The following ANKRD13C variants were observed in gnomAD, a reference collection of about 807,000 sequenced individuals.
ANKRD13C encodes the protein ankyrin repeat domain 13C.
A neutral mutation model predicts 65.5 loss-of-function variants in ANKRD13C; 16 were observed. That is an observed-to-expected ratio of 0.24 (90% CI 0.17 to 0.37). The LOEUF is 0.37. Ranked by LOEUF, ANKRD13C falls within the 10% of genes least tolerant of loss-of-function variation. The probability of loss-of-function intolerance (pLI) is 1.00; values close to 1 mark genes in which losing one functional copy is unlikely to be tolerated. For synonymous variants in ANKRD13C, 235 were observed against 238.7 expected (o/e 0.98, Z 0.14); for missense variants, 503 against 655.9 (o/e 0.77, Z 2.55).
intron 9 of ANKRD13C, among the ~76,000 whole-genome samples, chr1:70,291,323 A>G (rs960607038): frequency 6.6e-6 from 1 of 152,172 alleles, no homozygotes; most frequent in Non-Finnish European, 1.5e-5. Flanking sequence ...GCCTGGGCCC[A>G]TCTGGGAAAT....
intron 7 of ANKRD13C, 34 bp from the exon 8 acceptor site, chr1:70,296,295 T>G: frequency 6.3e-7 from 1 of 1,593,042 alleles, no homozygotes; most frequent in Non-Finnish European, 8.5e-7. Flanking sequence ...TATAAAAATC[T>G]AGGTTTTTCA....
intron 9 of ANKRD13C, among the ~76,000 whole-genome samples, chr1:70,277,416 C>T (rs1159041233): frequency 6.7e-6 from 1 of 148,878 alleles, no homozygotes; most frequent in Non-Finnish European, 1.5e-5. Context: ...GAGATCGTGC[C>T]ACTGCACTCC....
At chr1:70,304,265 AC>A (rs144150337) in intron 6 of ANKRD13C, among the ~76,000 whole-genome samples, 2,805 of 151,918 alleles carry the variant, frequency 0.018, 91 homozygotes, top group African/African-American at 0.065. Flanking sequence ...TTGTGTTTTA[AC>A]CTTTTTGGTT....
In ANKRD13C at chr1:70,270,932, T is replaced by G. The variant is rs201085431; in HGVS notation, c.1419A>C (p.Val473=). 1 of 1,611,268 alleles carries G rather than the reference T, an allele frequency of 6.2e-7. No individual in the cohort carries two copies. The stretch of plus-strand genomic sequence containing the variant: ...GCTTGTTAAAGTGCTTGAAGGGAGC[T>G]ACTACTTCTAAAACATTCAATAATC... ...IELLLNVLEV[V]APFKHFNKLR... Residue 473 remains valine (V), a synonymous_variant, in exon 12 of 13, where the codon GTA becomes GTC. Coordinates refer to ENST00000370944, the MANE Select transcript of ANKRD13C (RefSeq NM_030816.5).
Position 70,307,002 on chromosome 1 carries a change from A to C in ANKRD13C, c.710-712T>G, listed in dbSNP as rs1192680135. Reference sequence around the variant, plus strand: ...AAACTACCACGTACAAAGAAATGAAAGAAATGTGAAGCTCAAAATTCTTGA... The same window carrying C: ...AAACTACCACGTACAAAGAAATGAACGAAATGTGAAGCTCAAAATTCTTGA... On this transcript the variant is annotated intron_variant, in intron 5 of 12. Transcript: ENST00000370944. 3.9e-5 allele frequency among the ~76,000 whole-genome samples: 6 copies of C among 152,202 alleles called. No homozygotes were observed. In the East Asian group the frequency reaches 1.2e-3, roughly 29 times the overall value.
rs1203270559 is a variant in ANKRD13C at position 70,271,012 on chromosome 1, T to C, written c.1395-56A>G. 10 of 1,132,126 alleles carry C rather than the reference T, an allele frequency of 8.8e-6. No individual in the cohort carries two copies. In the Admixed American group the frequency reaches 2.0e-4, roughly 22 times the overall value. The allele number at this position is 1,132,126 out of a possible 1,614,324, so 70.1% of individuals were successfully genotyped here. ...CATTGTTCAAATTGCCTTGTGTCCT[T>C]ATGCTTTTCAACTACATGCTTCAAA... On this transcript the variant is annotated intron_variant, in intron 11 of 12. Transcript: ENST00000370944.
chr1:70,292,362 C>A, intron 9 of ANKRD13C, 26 bp downstream of exon 9: 1 of 1,531,166 alleles, frequency 6.5e-7, no homozygotes, highest in Non-Finnish European at 8.8e-7. Context: ...TAGAAAACTA[C>A]AAATTAGAAG....
In ANKRD13C at chr1:70,315,045, C is replaced by A. The variant is rs117793997; in HGVS notation, c.663+436G>T. 3.2e-3 allele frequency among the ~76,000 whole-genome samples: 489 copies of A among 152,228 alleles called. 6 individuals carry two copies. Among genetic ancestry groups the A allele is most frequent in the East Asian group, 0.024 (125 of 5,176 alleles). ...CTTGAGCTCAGGAGTTTGATACCAGCCTGGGTAATATGGTGAAACCCCATC... is the reference window on the plus strand; with the variant it reads ...CTTGAGCTCAGGAGTTTGATACCAGACTGGGTAATATGGTGAAACCCCATC... On this transcript the variant is annotated intron_variant, in intron 4 of 12. Coordinates refer to ENST00000370944, the MANE Select transcript of ANKRD13C (RefSeq NM_030816.5).
chr1:70,315,049 G>A (rs1030444966), intron 4 of ANKRD13C, among the ~76,000 whole-genome samples: 1 of 152,170 alleles, frequency 6.6e-6, no homozygotes, highest in Middle Eastern at 3.4e-3. Context: ...TACCAGCCTG[G>A]GTAATATGGT....
intron 5 of ANKRD13C, among the ~76,000 whole-genome samples, chr1:70,309,065 CAG>C (rs1309565963): frequency 4.8e-5 from 7 of 146,690 alleles, no homozygotes; most frequent in African/African-American, 1.5e-4. Flanking sequence ...TTTTTTTAGA[CAG>C]AGTGTCGCTC....
At chr1:70,271,055 A>C (rs532486806) in intron 11 of ANKRD13C, 99 bp from the exon 12 acceptor site, 1 of 663,970 alleles carries the variant, frequency 1.5e-6, no homozygotes, top group South Asian at 1.9e-5. Flanking sequence ...AGTAGTATTG[A>C]CTTCCAGATA....
intron 9 of ANKRD13C, among the ~76,000 whole-genome samples, chr1:70,278,079 C>T (rs936027290): frequency 1.3e-5 from 2 of 151,336 alleles, no homozygotes; most frequent in Non-Finnish European, 2.9e-5. Flanking sequence ...GTCTCAGCTG[C>T]TTGAAAAGCT....
In ANKRD13C at chr1:70,267,274, T is replaced by C. The variant is rs144846006; in HGVS notation, c.1495+3582A>G. On this transcript the variant is annotated intron_variant, in intron 12 of 12. Coordinates refer to ENST00000370944, the MANE Select transcript of ANKRD13C (RefSeq NM_030816.5). ...CTTTGATTAGTGTTTGCATGATATA[T>C]CTTTTTCCACTCTTTCACTTCTAAT... 2.8e-4 allele frequency among the ~76,000 whole-genome samples: 42 copies of C among 152,320 alleles called. No homozygotes were observed. The East Asian group carries it at 5.6e-3, about 20-fold the overall frequency.
At chr1:70,268,055 TTTTG>T (rs1037179593) in intron 12 of ANKRD13C, among the ~76,000 whole-genome samples, 31 of 152,140 alleles carry the variant, frequency 2.0e-4, no homozygotes, top group Non-Finnish European at 3.7e-4. Flanking sequence ...TGTTGTTGTT[TTTTG>T]TTTGATTTTA....
intron 1 of ANKRD13C, among the ~76,000 whole-genome samples, chr1:70,348,341 CA>C (rs991573672): frequency 1.6e-3 from 236 of 151,910 alleles, no homozygotes; most frequent in African/African-American, 5.2e-3. Context: ...TGCAATAGTG[CA>C]ATCTCAGCTC....
chr1:70,329,379 G>C (rs543793037), intron 2 of ANKRD13C, among the ~76,000 whole-genome samples: 143 of 152,086 alleles, frequency 9.4e-4, no homozygotes, highest in African/African-American at 3.3e-3. Context: ...AAATTAGCTG[G>C]GCATGGTGGC....
Position 70,301,176 on chromosome 1 carries a change from C to CAT in ANKRD13C, c.777-269_777-268insAT, listed in dbSNP as rs1479588829. 2.1e-5 allele frequency among the ~76,000 whole-genome samples: 3 copies of CAT among 144,810 alleles called. No individual in the cohort carries two copies. The East Asian group carries it at 6.1e-4, about 29-fold the overall frequency. On this transcript the variant is annotated intron_variant, in intron 6 of 12. Transcript: ENST00000370944. ...TATATTTTCTGAATATATATACACA[C>CAT]ACATATATATATATATATACACATA... is the stretch of plus-strand genomic sequence containing the variant.
Position 70,354,436 on chromosome 1 carries a change from T to C in ANKRD13C, c.-28A>G. 1.3e-6 allele frequency: 2 copies of C among 1,594,766 alleles called. No homozygotes were observed. The highest frequency in any genetic ancestry group is 1.7e-6 in the Non-Finnish European group (2 of 1,170,358). ...CCGCCGCCAGGGGCAAGGGGGGGAA[T>C]CGGGAGGCTCACCGCTGGCGACGGA... On this transcript the variant is annotated 5_prime_UTR_variant, in exon 1 of 13. Coordinates refer to ENST00000370944, the MANE Select transcript of ANKRD13C (RefSeq NM_030816.5).
rs1359849512 is a variant in ANKRD13C at position 70,261,275 on chromosome 1, T to TTA, written c.*1440_*1441dup. On this transcript the variant is annotated 3_prime_UTR_variant, in exon 13 of 13. Transcript: ENST00000370944. Reference sequence around the variant, plus strand: ...GTTTATTTAAAATTTTTCTTACGGTTTATGCTTTGGATTTTTAAATCATAT... The same window carrying TTA: ...GTTTATTTAAAATTTTTCTTACGGTTTATATGCTTTGGATTTTTAAATCATAT... 40 of 152,242 alleles carry TTA rather than the reference T, an allele frequency of 2.6e-4. No individual in the cohort carries two copies. The highest frequency in any genetic ancestry group is 2.4e-3 in the Admixed American group (37 of 15,292). The allele number at this position is 152,242 out of a possible 1,614,324, so 9.4% of individuals were successfully genotyped here.
Sources: allele counts gnomAD v4.1 joint callset (sites outside exome capture counted in the v4.1 genomes callset), GRCh38; gene constraint gnomAD v4.1.1; transcripts MANE v1.5; gene names NCBI Gene and HGNC (gene_info 2026-07-23, HGNC 2026-07-21).